Variants in CNTNAP2 observed in about 807,000 individuals in gnomAD.
CNTNAP2 encodes contactin associated protein 2, also known as contactin-associated protein-like 2.
CNTNAP2 carries 98 observed loss-of-function variants against 155.2 expected under a neutral mutation model. That is an observed-to-expected ratio of 0.63 (90% confidence interval 0.54 to 0.75). The LOEUF (loss-of-function observed/expected upper bound fraction) is 0.75, where lower values mean the gene tolerates loss of function less well. Among genes scored for constraint, CNTNAP2 ranks in the 30% least tolerant of loss-of-function variants. The pLI is 0.00. For missense variants in CNTNAP2, 1,727 were observed against 1,688.1 expected (o/e 1.02, Z -0.40); for synonymous variants, 651 against 631.2 (o/e 1.03, Z -0.47).
rs188696444 is a variant in CNTNAP2, at chr7:146,634,012, C to A, written c.98-140259C>A. 2.0e-5 allele frequency among the ~76,000 whole-genome samples: 3 copies of A among 152,152 alleles called. No homozygotes were observed. The East Asian group carries it at 5.8e-4, about 30-fold the overall frequency. Reference sequence around the variant, plus strand: ...TAGGAAGAGTACCCTATGGGCCAATCTATGAGCCCTGCTAGCTACCCTGGA... The same window carrying A: ...TAGGAAGAGTACCCTATGGGCCAATATATGAGCCCTGCTAGCTACCCTGGA... On this transcript the variant is annotated intron_variant, in intron 1 of 23. Coordinates refer to ENST00000361727, the MANE Select transcript of CNTNAP2 (RefSeq NM_014141.6).
intron 8 of CNTNAP2, among the ~76,000 whole-genome samples, chr7:147,143,956 C>T (rs1191547134): frequency 6.6e-6 from 1 of 152,028 alleles, no homozygotes; most frequent in Non-Finnish European, 1.5e-5. Flanking sequence ...TATAAATGTG[C>T]ATGATTAAAA....
intron 17 of CNTNAP2, among the ~76,000 whole-genome samples, chr7:148,159,441 CTCTT>C (rs1805474011): frequency 1.3e-5 from 2 of 152,120 alleles, no homozygotes; most frequent in Admixed American, 1.3e-4. Flanking sequence ...GTTTCTTACT[CTCTT>C]CCCTCTGCCT....
At chr7:147,166,315 C>A (rs537225664) in intron 8 of CNTNAP2, among the ~76,000 whole-genome samples, 1 of 152,088 alleles carries the variant, frequency 6.6e-6, no homozygotes, top group African/African-American at 2.4e-5. Context: ...ATCATATGTT[C>A]TCACTCATAA....
chr7:147,772,506 A>T (rs1301486356), intron 13 of CNTNAP2, among the ~76,000 whole-genome samples: 1 of 141,654 alleles, frequency 7.1e-6, no homozygotes, highest in Non-Finnish European at 1.5e-5. Context: ...AAAAAACCAC[A>T]AAAGAGGTGA....
chr7:147,267,269 T>C (rs887108838), intron 8 of CNTNAP2, among the ~76,000 whole-genome samples: 1 of 152,196 alleles, frequency 6.6e-6, no homozygotes, highest in Non-Finnish European at 1.5e-5. Context: ...AGCCCTGTAA[T>C]ACTTAAAAAA....
chr7:147,086,529 T>C (rs1800283217), intron 4 of CNTNAP2, among the ~76,000 whole-genome samples: 1 of 152,114 alleles, frequency 6.6e-6, no homozygotes, highest in Non-Finnish European at 1.5e-5. Context: ...CTCAGTTTCC[T>C]GGCTCAGTCA....
At chr7:146,740,303 A>G (rs988689596) in intron 1 of CNTNAP2, among the ~76,000 whole-genome samples, 1 of 147,818 alleles carries the variant, frequency 6.8e-6, no homozygotes, top group Non-Finnish European at 1.5e-5. Context: ...TTTTTTTTTA[A>G]TTTAATCCCT....
chr7:146,566,472 G>A (rs2129145171), intron 1 of CNTNAP2, among the ~76,000 whole-genome samples: 1 of 152,230 alleles, frequency 6.6e-6, no homozygotes, highest in East Asian at 1.9e-4. Flanking sequence ...CACTTTGGGA[G>A]GCTGAGGCGG....
At chr7:147,891,578 T>C (rs1052410260) in intron 13 of CNTNAP2, among the ~76,000 whole-genome samples, 5 of 151,986 alleles carry the variant, frequency 3.3e-5, no homozygotes, top group Admixed American at 1.3e-4. Flanking sequence ...AGCAGGAAAA[T>C]ATATTAGTAG....
chr7:147,453,467 G>C (rs914233873), intron 10 of CNTNAP2, among the ~76,000 whole-genome samples: 1 of 152,158 alleles, frequency 6.6e-6, no homozygotes, highest in South Asian at 2.1e-4. Flanking sequence ...TCAGCACTTT[G>C]TATTCCTAGA....
chr7:147,634,425 G>A (rs1219328488), intron 12 of CNTNAP2, among the ~76,000 whole-genome samples: 1 of 152,212 alleles, frequency 6.6e-6, no homozygotes, highest in East Asian at 1.9e-4. Context: ...GCATAACAAT[G>A]ATATAATGGA....
At chr7:147,154,384 G>A (rs776248405) in intron 8 of CNTNAP2, among the ~76,000 whole-genome samples, 2 of 152,074 alleles carry the variant, frequency 1.3e-5, no homozygotes, top group Non-Finnish European at 2.9e-5. Flanking sequence ...TGATCCAATA[G>A]GTTATACAAA....
intron 9 of CNTNAP2, among the ~76,000 whole-genome samples, chr7:147,314,504 G>A (rs1169546931): frequency 6.7e-5 from 10 of 149,994 alleles, no homozygotes; most frequent in Admixed American, 6.6e-4. Flanking sequence ...CTCACAATTG[G>A]GAAGAGAGAC....
At chr7:146,669,491 C>T (rs1445591133) in intron 1 of CNTNAP2, among the ~76,000 whole-genome samples, 1 of 152,150 alleles carries the variant, frequency 6.6e-6, no homozygotes, top group African/African-American at 2.4e-5. Context: ...TAACCAATCT[C>T]ATGCCAAAAA....
intron 3 of CNTNAP2, among the ~76,000 whole-genome samples, chr7:146,940,469 A>G (rs1447932888): frequency 6.6e-6 from 1 of 152,108 alleles, no homozygotes; most frequent in Non-Finnish European, 1.5e-5. Flanking sequence ...CTAGGATTAC[A>G]GGCGTGAGCC....
chr7:147,656,960 T>C (rs544464216), intron 13 of CNTNAP2, among the ~76,000 whole-genome samples: 25 of 152,252 alleles, frequency 1.6e-4, no homozygotes, highest in Admixed American at 6.5e-5. Flanking sequence ...GATGTGTCTG[T>C]GTGTGTGGTT....
At chr7:146,751,134 A>G (rs1172228418) in intron 1 of CNTNAP2, among the ~76,000 whole-genome samples, 1 of 149,186 alleles carries the variant, frequency 6.7e-6, no homozygotes, top group African/African-American at 2.6e-5. Context: ...AATTAGTTTT[A>G]TTGTGCAGAT....
At chr7:146,456,310 C>G (rs1053994408) in intron 1 of CNTNAP2, among the ~76,000 whole-genome samples, 5 of 152,136 alleles carry the variant, frequency 3.3e-5, no homozygotes, top group Non-Finnish European at 7.4e-5. Context: ...CAACAGCAGA[C>G]TAGCAAATCA....
At chr7:146,636,583 G>A (rs75455588) in intron 1 of CNTNAP2, among the ~76,000 whole-genome samples, 2,940 of 152,226 alleles carry the variant, frequency 0.019, 50 homozygotes, top group Middle Eastern at 0.072. Context: ...TACAACCTAT[G>A]CTCAGATACT....
Sources: allele counts gnomAD v4.1 joint callset (sites outside exome capture counted in the v4.1 genomes callset), GRCh38; gene constraint gnomAD v4.1.1; transcripts MANE v1.5; gene names NCBI Gene and HGNC (gene_info 2026-07-23, HGNC 2026-07-21).